Variants in DLGAP2 observed in about 807,000 individuals in gnomAD.
DLGAP2 encodes disks large-associated protein 2.
Under a neutral mutation model 100.3 loss-of-function variants are expected in DLGAP2, and 26 were observed. The observed-to-expected ratio is 0.26, with a 90% CI of 0.19 to 0.36. DLGAP2 has a LOEUF of 0.36. Ranked by LOEUF, DLGAP2 falls within the 10% of genes least tolerant of loss-of-function variation. DLGAP2 has a pLI of 1.00. For synonymous variants in DLGAP2, 886 were observed against 630.1 expected (o/e 1.41, Z -6.08); for missense variants, 1,858 against 1,453.2 (o/e 1.28, Z -4.53).
rs75516700 is a variant in DLGAP2, at chr8:1,362,809, C to T, written c.106+103926C>T. Among the ~76,000 whole-genome samples the T allele has an allele frequency of 1.3e-3, 199 of 152,364 alleles. 1 individual carries two copies. In the South Asian group the frequency reaches 0.015, roughly 12 times the overall value. ...TGCATTTGGGATTAGGAGGCGCGACCGCCTGGGCTTCTGGGCTTCTCCTGG... is the reference window on the plus strand; with the variant it reads ...TGCATTTGGGATTAGGAGGCGCGACTGCCTGGGCTTCTGGGCTTCTCCTGG... On this transcript the variant is annotated intron_variant, in intron 3 of 14. Transcript: ENST00000637795.
chr8:1,227,741 G>C (rs77246327), intron 2 of DLGAP2, among the ~76,000 whole-genome samples: 6,571 of 152,232 alleles, frequency 0.043, 462 homozygotes, highest in African/African-American at 0.15. Flanking sequence ...TAGTTATCAG[G>C]GATGGGGTAG....
intron 2 of DLGAP2, among the ~76,000 whole-genome samples, chr8:1,137,091 C>G (rs1796430540): frequency 6.6e-6 from 1 of 152,174 alleles, no homozygotes; most frequent in South Asian, 2.1e-4. Flanking sequence ...ACAAGGGGCC[C>G]ATAGCCTGGT....
chr8:1,085,757 T>A (rs1056602000), intron 2 of DLGAP2, among the ~76,000 whole-genome samples: 4 of 152,238 alleles, frequency 2.6e-5, no homozygotes, highest in African/African-American at 9.6e-5. Flanking sequence ...TTGAGGTTTT[T>A]TGTGGTTCCA....
intron 3 of DLGAP2, among the ~76,000 whole-genome samples, chr8:1,341,059 A>G (rs1314622566): frequency 6.6e-6 from 1 of 152,162 alleles, no homozygotes; most frequent in Non-Finnish European, 1.5e-5. Context: ...ATAGAGGGGA[A>G]CAACACACAC....
chr8:1,492,673 C>T (rs7845120), intron 3 of DLGAP2, among the ~76,000 whole-genome samples: 96,108 of 152,092 alleles, frequency 0.63, 30,679 homozygotes, highest in Admixed American at 0.7. Context: ...TCCTCACAGC[C>T]GGAGGCAGAG....
intron 3 of DLGAP2, among the ~76,000 whole-genome samples, chr8:1,360,884 G>T (rs1390700514): frequency 6.6e-6 from 1 of 152,220 alleles, no homozygotes; most frequent in Non-Finnish European, 1.5e-5. Context: ...GGAATGCTCT[G>T]GCCCCACCGG....
At chr8:905,147 G>A (rs1031239187) in intron 1 of DLGAP2, among the ~76,000 whole-genome samples, 9 of 152,180 alleles carry the variant, frequency 5.9e-5, no homozygotes, top group African/African-American at 2.2e-4. Context: ...TTGATGATTT[G>A]TCTTGGATCC....
At chr8:1,184,230 A>G (rs1184901547) in intron 2 of DLGAP2, among the ~76,000 whole-genome samples, 1 of 152,272 alleles carries the variant, frequency 6.6e-6, no homozygotes, top group East Asian at 1.9e-4. Context: ...TTTAAGTTGC[A>G]CTAAAGAGAA....
chr8:1,051,327 G>A (rs192579678), intron 2 of DLGAP2, among the ~76,000 whole-genome samples: 1 of 152,232 alleles, frequency 6.6e-6, no homozygotes, highest in Non-Finnish European at 1.5e-5. Context: ...GGGCTGTGTT[G>A]TCTCAGATCC....
At chr8:1,584,760 G>A (rs912527195) in intron 6 of DLGAP2, among the ~76,000 whole-genome samples, 5 of 152,090 alleles carry the variant, frequency 3.3e-5, no homozygotes, top group African/African-American at 9.7e-5. Flanking sequence ...ACACCCGGCG[G>A]ACCCAACAGG....
chr8:1,699,832 T>C (rs117234541), intron 14 of DLGAP2, among the ~76,000 whole-genome samples: 3 of 152,182 alleles, frequency 2.0e-5, no homozygotes, highest in Admixed American at 6.5e-5. Context: ...GAAGCTCCTT[T>C]GATTGGGGAA....
chr8:1,668,951 C>G (rs1798618916), intron 9 of DLGAP2, among the ~76,000 whole-genome samples: 1 of 152,004 alleles, frequency 6.6e-6, no homozygotes, highest in Non-Finnish European at 1.5e-5. Flanking sequence ...CCTGAAAATA[C>G]ACTCCGGGCC....
intron 2 of DLGAP2, among the ~76,000 whole-genome samples, chr8:969,102 G>A (rs1799951278): frequency 6.6e-6 from 1 of 152,174 alleles, no homozygotes; most frequent in African/African-American, 2.4e-5. Context: ...AGAGTCTCAT[G>A]ATAATTTTTT....
intron 2 of DLGAP2, among the ~76,000 whole-genome samples, chr8:1,061,079 C>T (rs998532411): frequency 1.3e-5 from 2 of 152,230 alleles, no homozygotes; most frequent in African/African-American, 4.8e-5. Flanking sequence ...GCACCCTACA[C>T]CTTTCCAGCA....
chr8:1,511,315 G>A (rs938811515), intron 4 of DLGAP2, among the ~76,000 whole-genome samples: 1 of 150,950 alleles, frequency 6.6e-6, no homozygotes, highest in Non-Finnish European at 1.5e-5. Flanking sequence ...GGGCTGTCTA[G>A]TGTAGGACAA....
At chr8:1,451,935 G>A (rs113872075) in intron 3 of DLGAP2, among the ~76,000 whole-genome samples, 1,982 of 152,322 alleles carry the variant, frequency 0.013, 17 homozygotes, top group Non-Finnish European at 0.019. Flanking sequence ...GCTCTCTTCC[G>A]TGTTATCTGT....
At chr8:1,042,144 G>A (rs1318961985) in intron 2 of DLGAP2, among the ~76,000 whole-genome samples, 1 of 152,188 alleles carries the variant, frequency 6.6e-6, no homozygotes, top group Admixed American at 6.5e-5. Context: ...CCTGGCTGGG[G>A]AAAGCCAGCA....
At chr8:1,656,712 A>G (rs755104718) in intron 8 of DLGAP2, among the ~76,000 whole-genome samples, 9 of 152,188 alleles carry the variant, frequency 5.9e-5, no homozygotes, top group Non-Finnish European at 7.3e-5. Flanking sequence ...ATTTCATGCA[A>G]TTTTTATGGA....
At chr8:1,637,341 T>G (rs1422734416) in intron 8 of DLGAP2, among the ~76,000 whole-genome samples, 1 of 152,034 alleles carries the variant, frequency 6.6e-6, no homozygotes, top group South Asian at 2.1e-4. Flanking sequence ...AACCAGAAGA[T>G]TCCTCCAAAC....
Sources: allele counts gnomAD v4.1 joint callset (sites outside exome capture counted in the v4.1 genomes callset), GRCh38; gene constraint gnomAD v4.1.1; transcripts MANE v1.5; gene names NCBI Gene and HGNC (gene_info 2026-07-23, HGNC 2026-07-21).